CADPS: variants seen among roughly 807,000 people sequenced by gnomAD.
CADPS encodes the protein calcium-dependent secretion activator 1.
Under a neutral mutation model 167.3 loss-of-function variants are expected in CADPS, and 57 were observed. The observed-to-expected ratio is 0.34, with a 90% CI of 0.28 to 0.42. CADPS has a LOEUF of 0.42. CADPS is among the 20% of genes least tolerant of loss of function. CADPS has a pLI of 1.00. For missense variants in CADPS, 1,414 were observed against 1,738.1 expected (o/e 0.81, Z 3.32); for synonymous variants, 676 against 635.3 (o/e 1.06, Z -0.96).
In CADPS at chr3:62,438,253, G is replaced by T; in HGVS notation, c.3670-42C>A. On this transcript the variant is annotated intron_variant, in intron 27 of 29. Transcript: ENST00000383710. This position sits in a 1 kb window ranked among gnomAD's most constrained non-coding sequence, Gnocchi z 4.7. ...AAACATGAAAACGAATTTTCAGACA[G>T]CCACTCTTCCTTGTTTACCATTCAC... 7.1e-7 allele frequency: 1 copy of T among 1,411,286 alleles called. No individual in the cohort carries two copies. Among genetic ancestry groups the T allele is most frequent in the Non-Finnish European group, 1.0e-6 (1 of 996,010 alleles). 87.4% of individuals were successfully genotyped at this position (1,411,286 alleles called of 1,614,324 possible).
chr3:62,757,940 C>T (rs889116125), intron 2 of CADPS, among the ~76,000 whole-genome samples: 5 of 152,174 alleles, frequency 3.3e-5, no homozygotes. Flanking sequence ...AAGAGAACAG[C>T]ATGGGAAAGA....
rs1554105668 is a variant in CADPS at position 62,715,373 on chromosome 3, C to CTACCTATCTATCTATCTATCTAT, written c.888+38067_888+38068insATAGATAGATAGATAGATAGGTA. Among the ~76,000 whole-genome samples, 22 of 134,608 alleles carry CTACCTATCTATCTATCTATCTAT rather than the reference C, an allele frequency of 1.6e-4. 1 individual carries two copies. Among genetic ancestry groups the CTACCTATCTATCTATCTATCTAT allele is most frequent in the African/African-American group, 6.3e-4 (22 of 35,052 alleles). The allele number at this position is 134,608 out of a possible 152,430, so 88.3% of individuals were successfully genotyped here. ...CCAGCCCTATCTATCTATCTATCTA[C>CTACCTATCTATCTATCTATCTAT]CTATCTATCTATCTATCTATCTATC... On this transcript the variant is annotated intron_variant, in intron 3 of 29. Coordinates refer to ENST00000383710, the MANE Select transcript of CADPS (RefSeq NM_003716.4).
intron 1 of CADPS, among the ~76,000 whole-genome samples, chr3:62,792,358 C>T (rs1023702620): frequency 1.3e-5 from 2 of 151,938 alleles, no homozygotes. Context: ...CATGCACCCC[C>T]ATGCCTGGCT....
chr3:62,778,954 G>A (rs527616956), intron 1 of CADPS, among the ~76,000 whole-genome samples: 2 of 150,964 alleles, frequency 1.3e-5, no homozygotes, highest in East Asian at 3.9e-4. Flanking sequence ...CCAGTGGCAC[G>A]ATCTCAGCTC....
chr3:62,443,571 G>A (rs2056719399), intron 27 of CADPS, among the ~76,000 whole-genome samples: 1 of 152,110 alleles, frequency 6.6e-6, no homozygotes, highest in South Asian at 2.1e-4. Context: ...CATGGGGGTG[G>A]TTACCTCCAG....
intron 5 of CADPS, 78 bp downstream of exon 5, chr3:62,650,769 A>C: frequency 9.5e-7 from 1 of 1,047,926 alleles, no homozygotes; most frequent in Admixed American, 2.1e-5. Flanking sequence ...CAGAAAAAAC[A>C]AGCTGATTGT....
At chr3:62,630,863 G>A (rs1269913572) in intron 6 of CADPS, among the ~76,000 whole-genome samples, 1 of 151,976 alleles carries the variant, frequency 6.6e-6, no homozygotes, top group East Asian at 1.9e-4. Context: ...AGAGACTTGT[G>A]GTTTCAGTCA....
intron 26 of CADPS, among the ~76,000 whole-genome samples, chr3:62,453,505 A>G (rs539618289): frequency 5.3e-5 from 8 of 152,304 alleles, no homozygotes; most frequent in Middle Eastern, 3.4e-3. Flanking sequence ...CCAAAACCTA[A>G]CAGAACCAAC....
At chr3:62,798,720 G>T (rs1485176551) in intron 1 of CADPS, among the ~76,000 whole-genome samples, 1 of 151,998 alleles carries the variant, frequency 6.6e-6, no homozygotes, top group Non-Finnish European at 1.5e-5. Context: ...GATGTGTTAG[G>T]TACTTTTTCC....
intron 8 of CADPS, among the ~76,000 whole-genome samples, chr3:62,580,154 C>T (rs987886651): frequency 1.3e-5 from 2 of 152,136 alleles, no homozygotes; most frequent in Non-Finnish European, 2.9e-5. Flanking sequence ...TACTGTGGCA[C>T]TATTCACAAT....
At chr3:62,832,975 A>ACTTC (rs1422949148) in intron 1 of CADPS, among the ~76,000 whole-genome samples, 1 of 152,154 alleles carries the variant, frequency 6.6e-6, no homozygotes, top group Non-Finnish European at 1.5e-5. Context: ...TTTTGGAGGA[A>ACTTC]TTGCCTCCTC....
At chr3:62,832,084 T>A (rs2075190404) in intron 1 of CADPS, among the ~76,000 whole-genome samples, 1 of 152,174 alleles carries the variant, frequency 6.6e-6, no homozygotes, top group Non-Finnish European at 1.5e-5. Flanking sequence ...TGCATGGAAA[T>A]AACAAACTGA....
intron 1 of CADPS, among the ~76,000 whole-genome samples, chr3:62,798,455 C>T (rs2093577896): frequency 6.6e-6 from 1 of 152,120 alleles, no homozygotes; most frequent in African/African-American, 2.4e-5. Context: ...GCACTGTTGG[C>T]TTATCTACTT....
At chr3:62,823,454 T>C (rs1329377837) in intron 1 of CADPS, among the ~76,000 whole-genome samples, 1 of 152,196 alleles carries the variant, frequency 6.6e-6, no homozygotes, top group Non-Finnish European at 1.5e-5. Context: ...ATTTTCCCTT[T>C]GGGTGATTCA....
At chr3:62,705,847 T>C (rs1358535440) in intron 3 of CADPS, among the ~76,000 whole-genome samples, 1 of 152,294 alleles carries the variant, frequency 6.6e-6, no homozygotes, top group East Asian at 1.9e-4. Context: ...TAGAGAACAC[T>C]GACTAATACA....
chr3:62,811,766 A>G (rs1458892670), intron 1 of CADPS, among the ~76,000 whole-genome samples: 3 of 152,248 alleles, frequency 2.0e-5, no homozygotes, highest in Admixed American at 6.5e-5. Flanking sequence ...GTTAGAAAGT[A>G]TCTTCTCAAA....
intron 21 of CADPS, among the ~76,000 whole-genome samples, chr3:62,483,021 GCTC>G (rs2062240077): frequency 6.6e-6 from 1 of 151,770 alleles, no homozygotes; most frequent in African/African-American, 2.4e-5. Context: ...GTCATACACG[GCTC>G]CTCAAGCTGG....
chr3:62,457,291 T>C (rs757832914), intron 26 of CADPS, among the ~76,000 whole-genome samples: 1 of 152,320 alleles, frequency 6.6e-6, no homozygotes, highest in Middle Eastern at 3.4e-3. Flanking sequence ...CAGAGATTAA[T>C]CAATCTGTCT....
intron 6 of CADPS, among the ~76,000 whole-genome samples, chr3:62,643,351 C>G (rs1275531965): frequency 6.6e-6 from 1 of 152,210 alleles, no homozygotes; most frequent in Admixed American, 6.5e-5. Flanking sequence ...TCACTTGACC[C>G]TGGTCATGAA....
Sources: allele counts gnomAD v4.1 joint callset (sites outside exome capture counted in the v4.1 genomes callset), GRCh38; gene constraint gnomAD v4.1.1; non-coding constraint Gnocchi (gnomAD v3.1); transcripts MANE v1.5; gene names NCBI Gene and HGNC (gene_info 2026-07-23, HGNC 2026-07-21).